CACNA2D3: variants seen among roughly 807,000 people sequenced by gnomAD.
The protein encoded by CACNA2D3 is voltage-dependent calcium channel subunit alpha-2/delta-3.
CACNA2D3 carries 60 observed loss-of-function variants against 160.6 expected under a neutral mutation model. The ratio of observed to expected loss-of-function variants is 0.37; its 90% CI spans 0.30 to 0.46. The LOEUF (loss-of-function observed/expected upper bound fraction) is 0.46. Ranked by LOEUF, CACNA2D3 falls within the 20% of genes least tolerant of loss-of-function variation. The probability of loss-of-function intolerance (pLI) is 1.00; values close to 1 mark genes in which losing one functional copy is unlikely to be tolerated. For synonymous variants in CACNA2D3, 558 were observed against 492.9 expected (o/e 1.13, Z -1.75); for missense variants, 1,205 against 1,365.0 (o/e 0.88, Z 1.85).
chr3:54,404,365 C>G (rs1358529706), intron 4 of CACNA2D3, among the ~76,000 whole-genome samples: 2 of 151,986 alleles, frequency 1.3e-5, no homozygotes, highest in African/African-American at 4.8e-5. Flanking sequence ...GTGATACTTT[C>G]ATTAACAGAC....
At chr3:54,567,098 T>C (rs1702420561) in intron 6 of CACNA2D3, among the ~76,000 whole-genome samples, 1 of 152,172 alleles carries the variant, frequency 6.6e-6, no homozygotes, top group African/African-American at 2.4e-5. Flanking sequence ...GCAACTGTCT[T>C]GCTATATCCT....
intron 11 of CACNA2D3, among the ~76,000 whole-genome samples, chr3:54,717,856 ATGTG>A (rs1701091700): frequency 8.5e-6 from 1 of 117,386 alleles, no homozygotes; most frequent in Non-Finnish European, 1.8e-5. Flanking sequence ...TGTGTGGTGT[ATGTG>A]CGTGCGTGTG....
chr3:54,768,863 T>C (rs1206249496), intron 13 of CACNA2D3, among the ~76,000 whole-genome samples: 1 of 152,200 alleles, frequency 6.6e-6, no homozygotes, highest in Non-Finnish European at 1.5e-5. Flanking sequence ...GCTGTATCTT[T>C]GCAAATTGCC....
At chr3:54,759,952 T>C (rs1307526501) in intron 12 of CACNA2D3, among the ~76,000 whole-genome samples, 1 of 152,232 alleles carries the variant, frequency 6.6e-6, no homozygotes, top group East Asian at 1.9e-4. Flanking sequence ...GAGCACATGC[T>C]TTGGGCCATT....
At chr3:54,918,022 T>A (rs1032265960) in intron 27 of CACNA2D3, among the ~76,000 whole-genome samples, 2 of 152,308 alleles carry the variant, frequency 1.3e-5, no homozygotes, top group East Asian at 1.9e-4. Context: ...TCGGGTAAGA[T>A]CACCAGCCTC....
chr3:54,791,215 T>C (rs1702750588), intron 13 of CACNA2D3, among the ~76,000 whole-genome samples: 1 of 152,234 alleles, frequency 6.6e-6, no homozygotes, highest in Non-Finnish European at 1.5e-5. Flanking sequence ...CTAACATCCG[T>C]GTGCATATGA....
At chr3:54,598,307 C>CCAAAAAAA (rs1264816240) in intron 9 of CACNA2D3, among the ~76,000 whole-genome samples, 1 of 49,850 alleles carries the variant, frequency 2.0e-5, no homozygotes, top group African/African-American at 8.1e-5. Flanking sequence ...CTCCGTCTCA[C>CCAAAAAAA]AAAAAAAAAA....
chr3:54,368,955 C>T (rs957847817), intron 3 of CACNA2D3, among the ~76,000 whole-genome samples: 3 of 152,026 alleles, frequency 2.0e-5, no homozygotes, highest in Middle Eastern at 3.4e-3. Flanking sequence ...CCCGCCTCAG[C>T]CTCCCAAAGT....
intron 35 of CACNA2D3, among the ~76,000 whole-genome samples, chr3:55,061,580 A>G (rs1434134656): frequency 1.3e-5 from 2 of 152,248 alleles, no homozygotes; most frequent in African/African-American, 2.4e-5. Flanking sequence ...GGCTTACTCA[A>G]GTTTCCCAAA....
At chr3:54,281,059 A>G (rs1485628907) in intron 2 of CACNA2D3, among the ~76,000 whole-genome samples, 1 of 152,130 alleles carries the variant, frequency 6.6e-6, no homozygotes, top group Non-Finnish European at 1.5e-5. Context: ...GTTTGTGTTT[A>G]TTGAATGGCA....
intron 27 of CACNA2D3, among the ~76,000 whole-genome samples, chr3:54,960,190 A>G (rs1025379531): frequency 6.6e-6 from 1 of 152,142 alleles, no homozygotes; most frequent in African/African-American, 2.4e-5. Context: ...GGATGGTTAC[A>G]GATTAAAATA....
At chr3:54,583,955 C>T (rs556627160) in intron 9 of CACNA2D3, among the ~76,000 whole-genome samples, 1 of 151,180 alleles carries the variant, frequency 6.6e-6, no homozygotes, top group Admixed American at 6.6e-5. Context: ...AGCCAAAGGA[C>T]CACAGAAAAC....
chr3:54,307,870 G>A (rs1438428756), intron 2 of CACNA2D3, among the ~76,000 whole-genome samples: 1 of 152,192 alleles, frequency 6.6e-6, no homozygotes, highest in Admixed American at 6.5e-5. Context: ...CTAATATCGT[G>A]TGCTAGAGAA....
chr3:54,929,389 G>C (rs886749029), intron 27 of CACNA2D3, among the ~76,000 whole-genome samples: 5 of 152,224 alleles, frequency 3.3e-5, no homozygotes, highest in African/African-American at 1.2e-4. Flanking sequence ...TGTCCTGAGG[G>C]AGGTCTTGAC....
At chr3:54,852,053 A>T (rs750819848) in intron 17 of CACNA2D3, among the ~76,000 whole-genome samples, 1 of 152,168 alleles carries the variant, frequency 6.6e-6, no homozygotes, top group African/African-American at 2.4e-5. Context: ...AGCAGGCTCT[A>T]TTTCCACCAC....
intron 5 of CACNA2D3, among the ~76,000 whole-genome samples, chr3:54,554,397 A>G (rs532041862): frequency 2.0e-5 from 3 of 152,304 alleles, no homozygotes; most frequent in East Asian, 1.9e-4. Flanking sequence ...TCGAGTAAAC[A>G]AATGAATGAA....
chr3:54,753,019 C>T (rs146361056), intron 12 of CACNA2D3, among the ~76,000 whole-genome samples: 1,909 of 152,108 alleles, frequency 0.013, 52 homozygotes, highest in African/African-American at 0.043. Context: ...CACCACAATA[C>T]CCAGCTAATT....
chr3:54,468,210 T>G (rs1480799497), intron 4 of CACNA2D3, among the ~76,000 whole-genome samples: 1 of 152,196 alleles, frequency 6.6e-6, no homozygotes, highest in Non-Finnish European at 1.5e-5. Flanking sequence ...GCGGGTGATT[T>G]CTGCATTTCC....
At chr3:54,508,702 G>A (rs1375023576) in intron 5 of CACNA2D3, among the ~76,000 whole-genome samples, 1 of 152,200 alleles carries the variant, frequency 6.6e-6, no homozygotes, top group Non-Finnish European at 1.5e-5. Flanking sequence ...TGAAGGGGAG[G>A]TGTGAATTGC....
Sources: gnomAD v4.1 joint callset for allele counts (sites outside exome capture counted in the v4.1 genomes callset) on GRCh38, gnomAD v4.1.1 for gene constraint, MANE v1.5 for transcripts, NCBI Gene and HGNC (gene_info 2026-07-23, HGNC 2026-07-21) for gene names.